NUFIP1: variants seen among roughly 807,000 people sequenced by gnomAD.
NUFIP1 encodes the protein FMR1-interacting protein NUFIP1.
NUFIP1 carries 38 observed loss-of-function variants against 56.2 expected under a neutral mutation model. The ratio of observed to expected loss-of-function variants is 0.68; its 90% CI spans 0.52 to 0.89. NUFIP1 has a LOEUF of 0.89. Among genes scored for constraint, NUFIP1 ranks in the 40% least tolerant of loss-of-function variants. The pLI, the probability that NUFIP1 is intolerant of heterozygous loss-of-function variation, is 0.00. For synonymous variants in NUFIP1, 215 were observed against 212.4 expected (o/e 1.01, Z -0.10); for missense variants, 567 against 605.8 (o/e 0.94, Z 0.67).
intron 5 of NUFIP1, among the ~76,000 whole-genome samples, chr13:44,968,778 T>C (rs1871703422): frequency 6.6e-6 from 1 of 152,236 alleles, no homozygotes; most frequent in African/African-American, 2.4e-5. Context: ...ATGATAAAAT[T>C]TGGCACTACA....
chr13:44,946,956 C>G (rs894131668), intron 8 of NUFIP1, among the ~76,000 whole-genome samples: 1 of 152,142 alleles, frequency 6.6e-6, no homozygotes, highest in African/African-American at 2.4e-5. Flanking sequence ...TAAAATAATT[C>G]TTAAGACTTA....
intron 6 of NUFIP1, 27 bp from the exon 7 acceptor site, chr13:44,959,601 A>G (rs1871354198): frequency 6.3e-7 from 1 of 1,583,366 alleles, no homozygotes; most frequent in African/African-American, 1.4e-5. Context: ...GCAATTTTTA[A>G]TATAAAAGGC....
chr13:44,979,262 T>A lies in NUFIP1; in HGVS notation c.662A>T (p.His221Leu), dbSNP rs1566064128. Reference sequence around the variant, plus strand: ...CTTGATCTTCTTCATGCCAGGAGCATGCATCTAGGGGGAAAAAGCCTGCTG... The same window carrying A: ...CTTGATCTTCTTCATGCCAGGAGCAAGCATCTAGGGGGAAAAAGCCTGCTG... Reference protein sequence around the residue: ...KIVQFHWRNMHAPGMKKIKLD... With the variant: ...KIVQFHWRNMLAPGMKKIKLD... The change falls in exon 5 of 10, where the codon CAT (histidine) becomes CTT (leucine). Residue 221 changes from histidine (H) to leucine (L), a missense_variant. By Grantham distance (99) the His-to-Leu change is moderately conservative. Transcript: ENST00000379161. The A allele has an allele frequency of 1.9e-6, 3 of 1,613,058 alleles. No homozygotes were observed. The highest frequency in any genetic ancestry group is 1.7e-5 in the Admixed American group (1 of 59,696).
chr13:44,988,942 T>G, intron 1 of NUFIP1, 83 bp downstream of exon 1: 1 of 1,381,746 alleles, frequency 7.2e-7, no homozygotes, highest in Non-Finnish European at 1.0e-6. Flanking sequence ...CAAGGCAGAG[T>G]AGAGAGAGGA....
Position 44,959,395 on chromosome 13 carries a change from A to C in NUFIP1, c.1007T>G (p.Ile336Arg). 4 of 1,613,322 alleles carry C rather than the reference A, an allele frequency of 2.5e-6. No homozygotes were observed. Among genetic ancestry groups the C allele is most frequent in the Non-Finnish European group, 3.4e-6 (4 of 1,179,822 alleles). The change falls in exon 7 of 10, where the codon ATA becomes AGA. Residue 336 changes from isoleucine to arginine, a missense_variant. Physicochemically the swap from Ile to Arg is moderately conservative, Grantham distance 97. Transcript: ENST00000379161. ...EANADPLGVLINSDSESDKEE... is the reference protein window; with the variant it reads ...EANADPLGVLRNSDSESDKEE... ...GTTTAGCTTACCAGAATCACTGTTTATCAAAACACCAAGAGGATCTGCATT... is the reference window on the plus strand; with the variant it reads ...GTTTAGCTTACCAGAATCACTGTTTCTCAAAACACCAAGAGGATCTGCATT...
chr13:44,941,554 C>T (rs1870737042), intron 9 of NUFIP1, among the ~76,000 whole-genome samples: 1 of 152,222 alleles, frequency 6.6e-6, no homozygotes, highest in Admixed American at 6.5e-5. Context: ...CGCTCTGTTG[C>T]CCAGGCTGGA....
At chr13:44,967,150 A>G (rs1162610008) in intron 5 of NUFIP1, among the ~76,000 whole-genome samples, 1 of 150,722 alleles carries the variant, frequency 6.6e-6, no homozygotes, top group East Asian at 1.9e-4. Flanking sequence ...ATCCATAAAG[A>G]AAAGAAATGA....
chr13:44,951,896 G>A (rs1213428823), intron 7 of NUFIP1, among the ~76,000 whole-genome samples: 2 of 152,202 alleles, frequency 1.3e-5, no homozygotes, highest in Non-Finnish European at 2.9e-5. Context: ...CTGATGGAGG[G>A]TACTGTCTTG....
At position 44,956,333 on chromosome 13, in the gene NUFIP1, G is replaced by T. The variant is rs1244486038; in HGVS notation, c.1021+3048C>A. On this transcript the variant is annotated intron_variant, in intron 7 of 9. Transcript: ENST00000379161. ...TGCAGTGAAAAGTTAAAGAACCTAT[G>T]GCCTAAAACAACGGTCCCCAGCCTT... Among the ~76,000 whole-genome samples, 3 of 152,076 alleles carry T rather than the reference G, an allele frequency of 2.0e-5. No homozygotes were observed. The East Asian group carries it at 5.8e-4, about 29-fold the overall frequency.
intron 8 of NUFIP1, among the ~76,000 whole-genome samples, chr13:44,947,234 CTTTTT>C (rs899115570): frequency 4.0e-5 from 5 of 124,312 alleles, no homozygotes; most frequent in Admixed American, 8.2e-5. Flanking sequence ...AAGCTTATTC[CTTTTT>C]TTTTTTTTTT....
chr13:44,977,262 A>G (rs1872012665), intron 5 of NUFIP1, among the ~76,000 whole-genome samples: 1 of 152,248 alleles, frequency 6.6e-6, no homozygotes, highest in Admixed American at 6.5e-5. Context: ...GGCCAACTAC[A>G]ATGTAATGTG....
intron 7 of NUFIP1, among the ~76,000 whole-genome samples, chr13:44,950,695 A>AG (rs1249138877): frequency 6.6e-6 from 1 of 152,176 alleles, no homozygotes; most frequent in Admixed American, 6.5e-5. Context: ...TAAATAAACA[A>AG]GGCAACCATG....
At chr13:44,982,218 T>C in intron 1 of NUFIP1, 64 bp from the exon 2 acceptor site, 1 of 727,182 alleles carries the variant, frequency 1.4e-6, no homozygotes, top group Non-Finnish European at 2.1e-6. Context: ...AATTAAATTT[T>C]ATCTACTACA....
intron 7 of NUFIP1, among the ~76,000 whole-genome samples, chr13:44,956,284 G>GA (rs1871241300): frequency 2.0e-5 from 3 of 152,118 alleles, no homozygotes; most frequent in Non-Finnish European, 4.4e-5. Flanking sequence ...ATGAAAACGG[G>GA]GATAGATTGT....
intron 9 of NUFIP1, 99 bp from the exon 10 acceptor site, chr13:44,941,421 GAAC>G (rs1870731678): frequency 4.7e-6 from 3 of 643,242 alleles, no homozygotes; most frequent in East Asian, 2.8e-5. Context: ...AAAGAAGACA[GAAC>G]AATAAGAAAT....
chr13:44,943,367 C>G (rs985999703), intron 9 of NUFIP1, 75 bp downstream of exon 9: 1 of 1,254,566 alleles, frequency 8.0e-7, no homozygotes, highest in East Asian at 2.3e-5. Flanking sequence ...CACACACACA[C>G]ACACACACAC....
At chr13:44,967,123 T>C (rs1208167293) in intron 5 of NUFIP1, among the ~76,000 whole-genome samples, 2 of 151,972 alleles carry the variant, frequency 1.3e-5, no homozygotes, top group African/African-American at 4.8e-5. Flanking sequence ...ATGGAAAGAC[T>C]ATATCTAATT....
intron 3 of NUFIP1, among the ~76,000 whole-genome samples, 166 bp from the exon 4 acceptor site, chr13:44,980,118 G>A (rs755147753): frequency 6.6e-6 from 1 of 152,164 alleles, no homozygotes; most frequent in African/African-American, 2.4e-5. Context: ...GCTGCCTTTA[G>A]GCAAAGGAAT....
At chr13:44,963,351 GA>G (rs1052507806) in intron 6 of NUFIP1, among the ~76,000 whole-genome samples, 6 of 152,094 alleles carry the variant, frequency 3.9e-5, no homozygotes, top group African/African-American at 1.4e-4. Flanking sequence ...CTACTTTATA[GA>G]AATAGAGTTG....
Sources: allele counts gnomAD v4.1 joint callset (sites outside exome capture counted in the v4.1 genomes callset), GRCh38; gene constraint gnomAD v4.1.1; transcripts MANE v1.5; gene names NCBI Gene and HGNC (gene_info 2026-07-23, HGNC 2026-07-21).